The following SHANK2 variants were observed in gnomAD, a reference collection of about 807,000 sequenced individuals.
SHANK2 encodes the protein SH3 and multiple ankyrin repeat domains 2, also known as SH3 and multiple ankyrin repeat domains protein 2.
A neutral mutation model predicts 133.7 loss-of-function variants in SHANK2; 43 were observed. The observed-to-expected ratio is 0.32, with a 90% CI of 0.25 to 0.41. The LOEUF (loss-of-function observed/expected upper bound fraction) is 0.41. Ranked by LOEUF, SHANK2 falls within the 10% of genes least tolerant of loss-of-function variation. SHANK2 has a pLI of 1.00. For missense variants in SHANK2, 1,994 were observed against 2,235.8 expected (o/e 0.89, Z 2.18); for synonymous variants, 1,017 against 952.8 (o/e 1.07, Z -1.24).
At chr11:70,892,150 C>T (rs1471346153) in intron 11 of SHANK2, among the ~76,000 whole-genome samples, 5 of 152,184 alleles carry the variant, frequency 3.3e-5, no homozygotes, top group Admixed American at 1.3e-4. Context: ...CACCTTAGTC[C>T]ATCAGTCCAT....
intron 11 of SHANK2, among the ~76,000 whole-genome samples, chr11:70,855,907 A>G (rs1949161536): frequency 6.6e-6 from 1 of 152,144 alleles, no homozygotes; most frequent in African/African-American, 2.4e-5. Flanking sequence ...GAATGAATGG[A>G]TAAAGAGATG....
chr11:70,688,477 C>T (rs1437651792), intron 15 of SHANK2, among the ~76,000 whole-genome samples: 1 of 152,226 alleles, frequency 6.6e-6, no homozygotes, highest in Non-Finnish European at 1.5e-5. Context: ...CCAGCCAAGC[C>T]AGCAGCCCCG....
chr11:71,211,286 C>T (rs534373478), intron 2 of SHANK2, among the ~76,000 whole-genome samples: 1 of 150,074 alleles, frequency 6.7e-6, no homozygotes, highest in Admixed American at 6.7e-5. Flanking sequence ...ACTCAGTGCT[C>T]CCAGCCTTTT....
chr11:71,088,025 C>T (rs1308956952), intron 8 of SHANK2, among the ~76,000 whole-genome samples: 2 of 152,150 alleles, frequency 1.3e-5, no homozygotes, highest in Admixed American at 6.5e-5. Context: ...CTTCCTTGGG[C>T]GCTCCTGTCT....
chr11:71,065,356 GTGT>G, intron 9 of SHANK2, among the ~76,000 whole-genome samples: 2 of 130,348 alleles, frequency 1.5e-5, no homozygotes, highest in Non-Finnish European at 3.3e-5. Context: ...TTGTGGGGGT[GTGT>G]GTGTGCAGAA....
chr11:70,638,274 A>T (rs1191099205), intron 17 of SHANK2, among the ~76,000 whole-genome samples: 1 of 152,208 alleles, frequency 6.6e-6, no homozygotes, highest in African/African-American at 2.4e-5. Flanking sequence ...TATGAAACCC[A>T]AAGCTGGCAA....
At chr11:71,056,135 T>C (rs1457061713) in intron 10 of SHANK2, among the ~76,000 whole-genome samples, 1 of 152,142 alleles carries the variant, frequency 6.6e-6, no homozygotes, top group Non-Finnish European at 1.5e-5. Flanking sequence ...CTCAGGAAGC[T>C]TGTCCCACTG....
At chr11:70,661,558 C>T in intron 16 of SHANK2, 38 bp downstream of exon 16, 1 of 1,429,328 alleles carries the variant, frequency 7.0e-7, no homozygotes, top group Non-Finnish European at 9.8e-7. Flanking sequence ...CACACACAAA[C>T]ATGGGAACAT....
In SHANK2 at chr11:70,479,212, C is replaced by T. The variant is rs782178260; in HGVS notation, c.4980-5773G>A. On this transcript the variant is annotated intron_variant, in intron 25 of 25. Coordinates refer to ENST00000601538, the MANE Select transcript of SHANK2 (RefSeq NM_012309.5). The surrounding 1 kb of genome is among the most constrained non-coding windows in gnomAD (Gnocchi z 4.4). ...TCAGGGCCTGGAAACCCTCAAACCA[C>T]CTAGTGGTCCTGAGATGCTGAAAAC... is the stretch of plus-strand genomic sequence containing the variant. Among the ~76,000 whole-genome samples, 13 of 152,234 alleles carry T rather than the reference C, an allele frequency of 8.5e-5. No homozygotes were observed. The highest frequency in any genetic ancestry group is 1.8e-4 in the Non-Finnish European group (12 of 68,038).
intron 3 of SHANK2, among the ~76,000 whole-genome samples, chr11:71,129,874 T>C (rs1365108363): frequency 6.6e-6 from 1 of 152,196 alleles, no homozygotes; most frequent in African/African-American, 2.4e-5. Context: ...CAAAACAGGC[T>C]GCTTAAACCG....
intron 17 of SHANK2, among the ~76,000 whole-genome samples, chr11:70,622,507 G>A (rs1183468930): frequency 3.9e-5 from 6 of 152,168 alleles, no homozygotes; most frequent in South Asian, 2.1e-4. Context: ...CAGTTCAGGC[G>A]GCCTCCAGTC....
At chr11:70,745,737 C>A (rs544178029) in intron 14 of SHANK2, among the ~76,000 whole-genome samples, 1 of 152,318 alleles carries the variant, frequency 6.6e-6, no homozygotes, top group South Asian at 2.1e-4. Context: ...CCGTCCCACT[C>A]CCTGCCTCAC....
At chr11:70,837,975 C>CAAAAAAAAAAAAAA (rs55862093) in intron 11 of SHANK2, among the ~76,000 whole-genome samples, 46 of 25,152 alleles carry the variant, frequency 1.8e-3, no homozygotes, top group Non-Finnish European at 2.6e-3. Flanking sequence ...CATTCTGTCT[C>CAAAAAAAAAAAAAA]AAAAAAAAAA....
At chr11:71,231,307 A>G (rs1392152073) in intron 1 of SHANK2, among the ~76,000 whole-genome samples, 3 of 152,246 alleles carry the variant, frequency 2.0e-5, no homozygotes, top group East Asian at 1.9e-4. Context: ...CAATAAGCAC[A>G]TGAAAGATGT....
At chr11:70,585,119 C>T (rs1281643332) in intron 17 of SHANK2, among the ~76,000 whole-genome samples, 6 of 152,264 alleles carry the variant, frequency 3.9e-5, no homozygotes, top group South Asian at 2.1e-4. Context: ...GCTCAGGCCA[C>T]AGCACGCCCA....
intron 15 of SHANK2, among the ~76,000 whole-genome samples, chr11:70,688,614 G>A (rs986141646): frequency 1.6e-4 from 25 of 152,184 alleles, no homozygotes; most frequent in African/African-American, 5.8e-4. Context: ...TCAAAGCTCC[G>A]TGACAGAGGC....
chr11:71,205,155 C>T (rs1446360347), intron 2 of SHANK2, among the ~76,000 whole-genome samples: 4 of 152,208 alleles, frequency 2.6e-5, no homozygotes, highest in East Asian at 1.9e-4. Flanking sequence ...CCCAAGTTCC[C>T]GTGGCCTTTG....
At chr11:70,629,135 C>G (rs576397108) in intron 17 of SHANK2, among the ~76,000 whole-genome samples, 23 of 152,274 alleles carry the variant, frequency 1.5e-4, no homozygotes, top group East Asian at 1.4e-3. Context: ...CACCCTCCCT[C>G]CTCTGTCAGT....
intron 2 of SHANK2, among the ~76,000 whole-genome samples, chr11:71,211,591 T>C (rs564175491): frequency 6.7e-6 from 1 of 149,648 alleles, no homozygotes; most frequent in South Asian, 2.1e-4. Flanking sequence ...TGGGTTTTAG[T>C]GAGTTCACAG....
Sources: gnomAD v4.1 joint callset for allele counts (sites outside exome capture counted in the v4.1 genomes callset) on GRCh38, gnomAD v4.1.1 for gene constraint, Gnocchi (gnomAD v3.1) non-coding constraint, MANE v1.5 for transcripts, NCBI Gene and HGNC (gene_info 2026-07-23, HGNC 2026-07-21) for gene names.